Variants in VRK2 observed in about 807,000 individuals in gnomAD.
VRK2 encodes the protein VRK serine/threonine kinase 2, also known as serine/threonine-protein kinase VRK2.
A neutral mutation model predicts 57.6 loss-of-function variants in VRK2; 60 were observed. That is an observed-to-expected ratio of 1.04 (90% CI 0.85 to 1.29). The LOEUF (loss-of-function observed/expected upper bound fraction) is 1.29. Among genes scored for constraint, VRK2 ranks in the 50% most tolerant of loss-of-function variants. The pLI is 0.00. For missense variants in VRK2, 705 were observed against 588.1 expected, an observed-to-expected ratio of 1.20 and a Z score of -2.06; for synonymous variants, 231 against 199.2, an observed-to-expected ratio of 1.16 and a Z score of -1.35.
chr2:58,068,064 G>A (rs917752775), intron 2 of VRK2, among the ~76,000 whole-genome samples: 17 of 151,902 alleles, frequency 1.1e-4, no homozygotes, highest in African/African-American at 3.4e-4. Context: ...CAAGTAGCTG[G>A]CACTACAGGT....
intron 12 of VRK2, among the ~76,000 whole-genome samples, chr2:58,148,041 T>G (rs529327797): frequency 1.3e-5 from 2 of 151,816 alleles, no homozygotes; most frequent in Admixed American, 1.3e-4. Context: ...TGGACATGTT[T>G]CATTTCTCCT....
chr2:58,154,661 A>T, intron 12 of VRK2: 2 of 707,512 alleles, frequency 2.8e-6, no homozygotes, highest in Non-Finnish European at 5.2e-6. Flanking sequence ...TGACCCATTT[A>T]AAGGGGTCTT....
intron 12 of VRK2, among the ~76,000 whole-genome samples, chr2:58,158,955 A>AAAGAAAGAATCACATT (rs1235601154): frequency 6.6e-6 from 1 of 152,152 alleles, no homozygotes; most frequent in Non-Finnish European, 1.5e-5. Flanking sequence ...ATCAGAAGGT[A>AAAGAAAGAATCACATT]AAGAAAGAAT....
At chr2:57,919,611 A>C (rs770544851) in intron 1 of VRK2, among the ~76,000 whole-genome samples, 15 of 152,124 alleles carry the variant, frequency 9.9e-5, no homozygotes, top group Admixed American at 2.0e-4. Context: ...AAATTCATTC[A>C]CAATCAGTAA....
At chr2:57,947,056 T>TA (rs1671283827) in intron 1 of VRK2, among the ~76,000 whole-genome samples, 1 of 152,202 alleles carries the variant, frequency 6.6e-6, no homozygotes, top group African/African-American at 2.4e-5. Flanking sequence ...CTTCCCATAG[T>TA]AAAGCATCTC....
intron 12 of VRK2, among the ~76,000 whole-genome samples, chr2:58,148,991 A>G (rs746648253): frequency 2.6e-5 from 4 of 151,918 alleles, no homozygotes; most frequent in African/African-American, 9.6e-5. Context: ...AGTCTCCTCC[A>G]TAAAATTTAA....
At chr2:58,159,250 T>C in intron 12 of VRK2, 99 bp from the exon 13 acceptor site, 3 of 912,626 alleles carry the variant, frequency 3.3e-6, no homozygotes, top group Non-Finnish European at 4.9e-6. Flanking sequence ...AACTTGATCT[T>C]GTATAACATT....
At chr2:57,982,615 G>C (rs1172312454) in intron 1 of VRK2, among the ~76,000 whole-genome samples, 1 of 152,168 alleles carries the variant, frequency 6.6e-6, no homozygotes, top group African/African-American at 2.4e-5. Flanking sequence ...AGAGCTACAG[G>C]AGTGGCCAGT....
intron 1 of VRK2, among the ~76,000 whole-genome samples, chr2:57,917,507 GTA>G (rs1670196705): frequency 6.7e-6 from 1 of 149,718 alleles, no homozygotes; most frequent in Non-Finnish European, 1.5e-5. Context: ...GCAGTTTATT[GTA>G]TATGTGTATT....
chr2:57,978,928 T>C (rs1572930188), intron 1 of VRK2, among the ~76,000 whole-genome samples: 3 of 151,034 alleles, frequency 2.0e-5, no homozygotes, highest in East Asian at 1.9e-4. Context: ...CTGTGTTAGT[T>C]TGGTGAAGAT....
chr2:58,132,506 T>G lies in VRK2; in HGVS notation c.797+578T>G, dbSNP rs376854685. ...TACCTGGATTCGGCTAGCATAAAAA[T>G]TAGGTCAGACTAAGAACAGGGTGTG... On this transcript the variant is annotated intron_variant, in intron 9 of 12. Coordinates refer to ENST00000340157, the MANE Select transcript of VRK2 (RefSeq NM_006296.7). Among the ~76,000 whole-genome samples, 4 of 152,298 alleles carry G rather than the reference T, an allele frequency of 2.6e-5. No individual in the cohort carries two copies. The East Asian group carries it at 7.7e-4, about 29-fold the overall frequency.
At chr2:57,969,760 G>A (rs964715748) in intron 1 of VRK2, among the ~76,000 whole-genome samples, 3 of 152,174 alleles carry the variant, frequency 2.0e-5, no homozygotes, top group South Asian at 2.1e-4. Context: ...CTTGTATTGC[G>A]GTCAGCTGAG....
intron 1 of VRK2, among the ~76,000 whole-genome samples, chr2:57,983,945 A>G (rs1672512652): frequency 6.6e-6 from 1 of 152,202 alleles, no homozygotes; most frequent in Non-Finnish European, 1.5e-5. Context: ...AGGGAATTGG[A>G]TAAGTTAGGA....
At chr2:58,107,824 A>G (rs1674974792) in intron 7 of VRK2, among the ~76,000 whole-genome samples, 1 of 152,058 alleles carries the variant, frequency 6.6e-6, no homozygotes, top group East Asian at 1.9e-4. Context: ...CCAGCTCCAA[A>G]TGTTTTTCTC....
At chr2:58,129,427 T>G (rs1678835213) in intron 8 of VRK2, among the ~76,000 whole-genome samples, 1 of 152,162 alleles carries the variant, frequency 6.6e-6, no homozygotes, top group South Asian at 2.1e-4. Flanking sequence ...TTGGATCTCA[T>G]TCCTAGTCCA....
intron 2 of VRK2, among the ~76,000 whole-genome samples, chr2:58,076,038 C>T (rs574910907): frequency 2.6e-5 from 4 of 151,426 alleles, no homozygotes; most frequent in South Asian, 4.2e-4. Context: ...TAAGGACCTC[C>T]AAGCTCTTAA....
chr2:58,075,611 G>T (rs781307399), intron 2 of VRK2, among the ~76,000 whole-genome samples: 2 of 152,044 alleles, frequency 1.3e-5, no homozygotes, highest in Admixed American at 6.6e-5. Context: ...TTGTGTTTTT[G>T]ATTTGGATTT....
intron 11 of VRK2, 101 bp from the exon 12 acceptor site, chr2:58,146,215 C>T: frequency 2.9e-6 from 3 of 1,052,048 alleles, no homozygotes; most frequent in African/African-American, 1.6e-5. Context: ...TTTTTTAAAG[C>T]TTGGCAAGTT....
At chr2:57,938,236 T>C (rs1306620532) in intron 1 of VRK2, among the ~76,000 whole-genome samples, 1 of 152,222 alleles carries the variant, frequency 6.6e-6, no homozygotes, top group Non-Finnish European at 1.5e-5. Context: ...ACACACTGCC[T>C]TCTCTATAAC....
Sources: gnomAD v4.1 joint callset for allele counts (sites outside exome capture counted in the v4.1 genomes callset) on GRCh38, gnomAD v4.1.1 for gene constraint, MANE v1.5 for transcripts, NCBI Gene and HGNC (gene_info 2026-07-23, HGNC 2026-07-21) for gene names.